Variants in SLC2A9 observed in about 807,000 individuals in gnomAD.
SLC2A9 encodes solute carrier family 2, facilitated glucose transporter member 9.
A neutral mutation model predicts 50.6 loss-of-function variants in SLC2A9; 39 were observed. The observed-to-expected ratio is 0.77, with a 90% CI of 0.60 to 1.01. The LOEUF (loss-of-function observed/expected upper bound fraction) is 1.01. Among genes scored for constraint, SLC2A9 ranks in the 50% least tolerant of loss-of-function variants. The pLI is 0.00. For synonymous variants in SLC2A9, 324 were observed against 276.9 expected, an observed-to-expected ratio of 1.17 and a Z score of -1.69; for missense variants, 686 against 677.6, an observed-to-expected ratio of 1.01 and a Z score of -0.14.
downstream of SLC2A9, among the ~76,000 whole-genome samples, chr4:9,825,603 G>A (rs1017490322): frequency 1.3e-5 from 2 of 152,020 alleles, no homozygotes; most frequent in African/African-American, 2.4e-5. Flanking sequence ...TCATTTGGAT[G>A]GAGGTCAATT....
chr4:9,963,068 C>A (rs899909663), intron 5 of SLC2A9, among the ~76,000 whole-genome samples: 4 of 152,146 alleles, frequency 2.6e-5, no homozygotes, highest in Non-Finnish European at 4.4e-5. Context: ...AACAGACTTC[C>A]ACAGTTTAAC....
chr4:9,880,472 T>C, intron 10 of SLC2A9: 1 of 985,018 alleles, frequency 1.0e-6, no homozygotes, highest in Non-Finnish European at 1.2e-6. Flanking sequence ...TGTTCTACAG[T>C]CAAAAGAAAG....
At chr4:9,854,882 T>C (rs953459623) in intron 10 of SLC2A9, among the ~76,000 whole-genome samples, 3 of 152,190 alleles carry the variant, frequency 2.0e-5, no homozygotes. Flanking sequence ...TGTCAATAGA[T>C]GCAGAAACGG....
At chr4:10,020,435 T>C (rs12647117) in intron 1 of SLC2A9, among the ~76,000 whole-genome samples, 66,812 of 151,938 alleles carry the variant, frequency 0.44, 16,305 homozygotes, top group South Asian at 0.59. Flanking sequence ...GAGGAGGTGC[T>C]CCGTAGAGGC....
At chr4:9,813,296 C>T (rs1723118735) in intron 3 of SLC2A9, among the ~76,000 whole-genome samples, 1 of 152,158 alleles carries the variant, frequency 6.6e-6, no homozygotes, top group South Asian at 2.1e-4. Context: ...ACTCTCATAG[C>T]CACCACACTT....
At chr4:9,835,878 G>T (rs1240370419) in intron 10 of SLC2A9, among the ~76,000 whole-genome samples, 1 of 152,066 alleles carries the variant, frequency 6.6e-6, no homozygotes, top group African/African-American at 2.4e-5. Context: ...CATGAGGTCA[G>T]GAGTTTGAGA....
At chr4:9,942,137 A>G in intron 5 of SLC2A9, 92 bp from the exon 6 acceptor site, 1 of 1,485,370 alleles carries the variant, frequency 6.7e-7, no homozygotes, top group Non-Finnish European at 9.4e-7. Flanking sequence ...GACCCTGCAG[A>G]AGGTCTTCCT....
At chr4:9,973,533 G>T (rs1019403560) in intron 5 of SLC2A9, among the ~76,000 whole-genome samples, 4 of 152,022 alleles carry the variant, frequency 2.6e-5, no homozygotes, top group African/African-American at 9.7e-5. Context: ...ATGCAGCCAT[G>T]AAAAATGAAG....
chr4:9,956,017 A>G (rs182329632), intron 5 of SLC2A9, among the ~76,000 whole-genome samples: 1 of 151,642 alleles, frequency 6.6e-6, no homozygotes, highest in Admixed American at 6.6e-5. Context: ...AGCTGGGATT[A>G]CAGGCACCCA....
At chr4:9,874,993 C>T (rs112682166) in intron 10 of SLC2A9, among the ~76,000 whole-genome samples, 560 of 18,722 alleles carry the variant, frequency 0.03, no homozygotes, top group African/African-American at 0.045. Context: ...CATAGGTTAG[C>T]GTCTGTCTAA....
chr4:9,994,313 T>C (rs944542478), intron 3 of SLC2A9, among the ~76,000 whole-genome samples: 12 of 152,304 alleles, frequency 7.9e-5, no homozygotes, highest in African/African-American at 2.4e-4. Flanking sequence ...AGGAGGTCAA[T>C]AGATGGTAGC....
Position 9,880,324 on chromosome 4 carries a change from G to C in SLC2A9, c.1291+7243C>G, listed in dbSNP as rs1206266631. 4 of 985,452 alleles carry C rather than the reference G, an allele frequency of 4.1e-6. No individual in the cohort carries two copies. The African/African-American group carries it at 7.0e-5, about 17-fold the overall frequency. The allele number at this position is 985,452 out of a possible 1,614,324, so 61.0% of individuals were successfully genotyped here. On this transcript the variant is annotated intron_variant, in intron 10 of 11. Transcript: ENST00000264784. Reference sequence around the variant, plus strand: ...GCCCAGGTGCTGGGTCAACACAGGGGGTTGAAGATGGATTGAGGAAGCGGA... The same window carrying C: ...GCCCAGGTGCTGGGTCAACACAGGGCGTTGAAGATGGATTGAGGAAGCGGA...
chr4:9,982,661 C>T (rs1318955046), intron 4 of SLC2A9, among the ~76,000 whole-genome samples: 3 of 152,192 alleles, frequency 2.0e-5, no homozygotes, highest in Non-Finnish European at 4.4e-5. Context: ...GAAAGGACTT[C>T]CCAGAAGATC....
intron 1 of SLC2A9, among the ~76,000 whole-genome samples, chr4:9,772,784 T>C (rs1197740606): frequency 6.6e-6 from 1 of 152,138 alleles, no homozygotes; most frequent in Non-Finnish European, 1.5e-5. Context: ...ATGATATCTC[T>C]TCATAGTAAG....
chr4:9,825,978 A>G (rs1035083309), downstream of SLC2A9, among the ~76,000 whole-genome samples: 1 of 152,250 alleles, frequency 6.6e-6, no homozygotes, highest in African/African-American at 2.4e-5. Context: ...AGCTGGGACT[A>G]GAACCTCAGT....
rs1736533789 is a variant in SLC2A9, at chr4:9,887,649, G to A, written c.1216-7C>T. 4 of 1,512,152 alleles carry A rather than the reference G, an allele frequency of 2.6e-6. No individual in the cohort carries two copies. The highest frequency in any genetic ancestry group is 3.6e-6 in the Non-Finnish European group (4 of 1,126,618). 93.7% of individuals were successfully genotyped at this position (1,512,152 alleles called of 1,614,324 possible). ...GGACCCAGGGGGCGTGGTCCTGGGA[G>A]AGAACAGGGAGTGGTCAGGTGAGGA... On this transcript the variant is annotated splice_polypyrimidine_tract_variant and splice_region_variant and intron_variant, in intron 9 of 11. Transcript: ENST00000264784.
chr4:9,938,990 T>C (rs1229908081), intron 6 of SLC2A9, among the ~76,000 whole-genome samples: 1 of 152,186 alleles, frequency 6.6e-6, no homozygotes, highest in Non-Finnish European at 1.5e-5. Flanking sequence ...CCCAAGTTCG[T>C]GGCCTCCCTA....
chr4:10,029,577 T>TTTTCA (rs1560510273), intron 1 of SLC2A9, among the ~76,000 whole-genome samples: 1 of 24,098 alleles, frequency 4.1e-5, no homozygotes, highest in Non-Finnish European at 9.7e-5. Context: ...TTATTTTATA[T>TTTTCA]TTTTATTTTA....
At chr4:9,912,597 A>C (rs1742052145) in intron 7 of SLC2A9, among the ~76,000 whole-genome samples, 1 of 152,192 alleles carries the variant, frequency 6.6e-6, no homozygotes, top group Admixed American at 6.5e-5. Flanking sequence ...CATGTCTAAG[A>C]AAGCAGCATG....
Sources: allele counts gnomAD v4.1 joint callset (sites outside exome capture counted in the v4.1 genomes callset), GRCh38; gene constraint gnomAD v4.1.1; transcripts MANE v1.5; gene names NCBI Gene and HGNC (gene_info 2026-07-23, HGNC 2026-07-21).